LURAP1L: variants seen among roughly 807,000 people sequenced by gnomAD.
The protein encoded by LURAP1L is leucine rich adaptor protein 1-like.
A neutral mutation model predicts 13.8 loss-of-function variants in LURAP1L; 12 were observed. The ratio of observed to expected loss-of-function variants is 0.87; its 90% CI spans 0.56 to 1.41. The LOEUF (loss-of-function observed/expected upper bound fraction) is 1.41. LURAP1L is among the 40% of genes most tolerant of loss of function. The probability of loss-of-function intolerance (pLI) is 0.00; values close to 1 mark genes in which losing one functional copy is unlikely to be tolerated. For missense variants in LURAP1L, 375 were observed against 292.9 expected, an observed-to-expected ratio of 1.28 and a Z score of -2.04; for synonymous variants, 139 against 119.2, an observed-to-expected ratio of 1.17 and a Z score of -1.08.
At chr9:12,788,907 A>AT (rs1259301726) in intron 1 of LURAP1L, among the ~76,000 whole-genome samples, 113 of 150,558 alleles carry the variant, frequency 7.5e-4, no homozygotes, top group African/African-American at 2.6e-3. Flanking sequence ...ATATATATAT[A>AT]TATATTTTTA....
At position 12,775,805 on chromosome 9, in the gene LURAP1L, G is replaced by A; in HGVS notation, c.90G>A (p.Gly30=). 1 of 1,608,364 alleles carries A rather than the reference G, an allele frequency of 6.2e-7. No individual in the cohort carries two copies. Among genetic ancestry groups the A allele is most frequent in the Non-Finnish European group, 8.5e-7 (1 of 1,178,268 alleles). The part of the protein sequence containing the change: ...VPESLVRSLR[G]EEPVPRERDR... Reference sequence around the variant, plus strand: ...AGAGTCTAGTGCGCTCTCTCCGTGGGGAGGAGCCGGTTCCCAGGGAAAGGG... The same window carrying A: ...AGAGTCTAGTGCGCTCTCTCCGTGGAGAGGAGCCGGTTCCCAGGGAAAGGG... Residue 30 remains glycine, a synonymous_variant, in exon 1 of 2, where the codon GGG becomes GGA. Transcript: ENST00000319264.
intron 1 of LURAP1L, among the ~76,000 whole-genome samples, chr9:12,799,738 G>A (rs1416846034): frequency 2.0e-5 from 3 of 152,074 alleles, no homozygotes; most frequent in African/African-American, 4.8e-5. Flanking sequence ...AATTAGCCAG[G>A]TGGCAGGCGT....
At chr9:12,790,018 G>A (rs930692301) in intron 1 of LURAP1L, among the ~76,000 whole-genome samples, 6 of 152,028 alleles carry the variant, frequency 3.9e-5, no homozygotes, top group African/African-American at 1.4e-4. Context: ...CACTTAGATT[G>A]GTGATTTTAG....
intron 1 of LURAP1L, among the ~76,000 whole-genome samples, chr9:12,808,560 T>C (rs886807223): frequency 2.6e-5 from 4 of 152,144 alleles, no homozygotes; most frequent in African/African-American, 9.6e-5. Flanking sequence ...TACTCCACAC[T>C]CTTCTTGCTT....
chr9:12,786,581 T>TATATATATATATTTATAAAC (rs61134838), intron 1 of LURAP1L, among the ~76,000 whole-genome samples: 1 of 121,438 alleles, frequency 8.2e-6, no homozygotes, highest in Non-Finnish European at 1.8e-5. Flanking sequence ...TATATATATA[T>TATATATATATATTTATAAAC]AAACCCTTGT....
chr9:12,796,291 A>G (rs1349428530), intron 1 of LURAP1L, among the ~76,000 whole-genome samples: 2 of 152,056 alleles, frequency 1.3e-5, no homozygotes, highest in African/African-American at 2.4e-5. Context: ...TGACCAAAAA[A>G]ACACCATTGC....
At chr9:12,820,797 G>A (rs1326363025) in intron 1 of LURAP1L, among the ~76,000 whole-genome samples, 4 of 151,842 alleles carry the variant, frequency 2.6e-5, no homozygotes, top group Middle Eastern at 3.2e-3. Flanking sequence ...GGTCTTTTTT[G>A]TACTCTTAAC....
intron 1 of LURAP1L, chr9:12,777,697 C>A: frequency 2.2e-6 from 1 of 446,618 alleles, no homozygotes; most frequent in Non-Finnish European, 3.0e-6. Flanking sequence ...TTTCCAAAAA[C>A]CGATGAACCC....
intron 1 of LURAP1L, among the ~76,000 whole-genome samples, chr9:12,806,278 G>T (rs1016262702): frequency 6.6e-6 from 1 of 152,124 alleles, no homozygotes; most frequent in Non-Finnish European, 1.5e-5. Context: ...AGGTTGTATA[G>T]GTTGTATATT....
chr9:12,780,639 A>C (rs185568318), intron 1 of LURAP1L, among the ~76,000 whole-genome samples: 1 of 152,274 alleles, frequency 6.6e-6, no homozygotes, highest in African/African-American at 2.4e-5. Context: ...TACTATATGC[A>C]CTACGAAATG....
intron 1 of LURAP1L, among the ~76,000 whole-genome samples, chr9:12,783,986 T>C (rs1373755974): frequency 6.6e-6 from 1 of 152,188 alleles, no homozygotes; most frequent in African/African-American, 2.4e-5. Context: ...TTCTTCAGTA[T>C]GTCAATTCAA....
In LURAP1L at chr9:12,795,242, C is replaced by T. The variant is rs75146462; in HGVS notation, c.312+19215C>T. On this transcript the variant is annotated intron_variant, in intron 1 of 1. Coordinates refer to ENST00000319264, the MANE Select transcript of LURAP1L (RefSeq NM_203403.2). ...TTTCCTACACTTTTTGTAGTTAACTCTAACTTGTTATCCTTCAGGTCACAC... is the reference window on the plus strand; with the variant it reads ...TTTCCTACACTTTTTGTAGTTAACTTTAACTTGTTATCCTTCAGGTCACAC... Among the ~76,000 whole-genome samples, 3 of 151,952 alleles carry T rather than the reference C, an allele frequency of 2.0e-5. No individual in the cohort carries two copies. The East Asian group carries it at 5.8e-4, about 29-fold the overall frequency.
At chr9:12,820,983 C>T (rs1819871571) in intron 1 of LURAP1L, among the ~76,000 whole-genome samples, 1 of 152,144 alleles carries the variant, frequency 6.6e-6, no homozygotes, top group Non-Finnish European at 1.5e-5. Context: ...GAGGATGACT[C>T]CTTAATTTGT....
At chr9:12,802,755 G>A (rs1457149282) in intron 1 of LURAP1L, among the ~76,000 whole-genome samples, 2 of 152,052 alleles carry the variant, frequency 1.3e-5, no homozygotes, top group Non-Finnish European at 2.9e-5. Flanking sequence ...AACTGTCACG[G>A]CATCTCTCGG....
At chr9:12,818,023 T>C (rs1313085945) in intron 1 of LURAP1L, among the ~76,000 whole-genome samples, 1 of 151,930 alleles carries the variant, frequency 6.6e-6, no homozygotes, top group Non-Finnish European at 1.5e-5. Context: ...TTAGACATAG[T>C]TGAATCTATA....
At chr9:12,803,937 T>C (rs760849152) in intron 1 of LURAP1L, among the ~76,000 whole-genome samples, 2 of 152,218 alleles carry the variant, frequency 1.3e-5, no homozygotes, top group Non-Finnish European at 2.9e-5. Flanking sequence ...CAATATTCAA[T>C]ACTTGGTATA....
At chr9:12,782,290 G>A (rs1264068597) in intron 1 of LURAP1L, among the ~76,000 whole-genome samples, 1 of 152,108 alleles carries the variant, frequency 6.6e-6, no homozygotes, top group Non-Finnish European at 1.5e-5. Flanking sequence ...TTTTGCTTCG[G>A]TTGCCTATGC....
intron 1 of LURAP1L, among the ~76,000 whole-genome samples, chr9:12,801,046 G>A (rs927644830): frequency 4.1e-4 from 62 of 152,196 alleles, no homozygotes; most frequent in African/African-American, 1.4e-3. Context: ...TGTTAATTAT[G>A]ATACCTAGGT....
At chr9:12,783,325 T>C (rs1819301187) in intron 1 of LURAP1L, among the ~76,000 whole-genome samples, 3 of 152,204 alleles carry the variant, frequency 2.0e-5, no homozygotes, top group Admixed American at 2.0e-4. Context: ...TCTTTCAGTA[T>C]GATACCAGCT....
Sources: gnomAD v4.1 joint callset for allele counts (sites outside exome capture counted in the v4.1 genomes callset) on GRCh38, gnomAD v4.1.1 for gene constraint, MANE v1.5 for transcripts, NCBI Gene and HGNC (gene_info 2026-07-23, HGNC 2026-07-21) for gene names.